SH3RF1: variants seen among roughly 807,000 people sequenced by gnomAD.
SH3RF1 encodes the protein SH3 domain containing ring finger 1.
In SH3RF1, 32 loss-of-function variants were observed where a neutral mutation model predicts 74.0. That is an observed-to-expected ratio of 0.43 (90% confidence interval 0.33 to 0.58). SH3RF1 has a LOEUF of 0.58. SH3RF1 is among the 20% of genes least tolerant of loss of function. The probability of loss-of-function intolerance (pLI) is 0.05; values close to 1 mark genes in which losing one functional copy is unlikely to be tolerated. For missense variants in SH3RF1, 954 were observed against 1,130.9 expected (o/e 0.84, Z 2.24); for synonymous variants, 396 against 439.6 (o/e 0.90, Z 1.24).
chr4:169,184,791 A>G (rs1734577002), intron 2 of SH3RF1, among the ~76,000 whole-genome samples: 1 of 152,220 alleles, frequency 6.6e-6, no homozygotes, highest in Admixed American at 6.5e-5. Context: ...TCTAGGGTGT[A>G]CAATCTAAAT....
At chr4:169,246,011 G>A (rs1357191529) in intron 2 of SH3RF1, among the ~76,000 whole-genome samples, 1 of 152,094 alleles carries the variant, frequency 6.6e-6, no homozygotes, top group Non-Finnish European at 1.5e-5. Flanking sequence ...GTCTGCCAGG[G>A]GTGTCATATC....
At chr4:169,128,487 C>T (rs143541830) in intron 6 of SH3RF1, among the ~76,000 whole-genome samples, 105 of 152,318 alleles carry the variant, frequency 6.9e-4, no homozygotes, top group African/African-American at 2.4e-3. Context: ...TTATTAGCTT[C>T]CATTTAAATA....
At chr4:169,121,022 G>A (rs1196308436) in intron 7 of SH3RF1, 33 bp from the exon 8 acceptor site, 3 of 1,571,178 alleles carry the variant, frequency 1.9e-6, no homozygotes, top group African/African-American at 2.7e-5. Context: ...ATTTCAGGTT[G>A]AGTAACAGAC....
chr4:169,133,498 C>T (rs1733650026), intron 5 of SH3RF1, among the ~76,000 whole-genome samples: 1 of 151,174 alleles, frequency 6.6e-6, no homozygotes, highest in Admixed American at 6.6e-5. Context: ...AAAAAAGAGG[C>T]TGTGCGTGGT....
At chr4:169,113,055 T>TC (rs1733266352) in intron 10 of SH3RF1, among the ~76,000 whole-genome samples, 1 of 151,892 alleles carries the variant, frequency 6.6e-6, no homozygotes, top group African/African-American at 2.4e-5. Flanking sequence ...ATCTGGTGAA[T>TC]CTGGGATGAG....
intron 2 of SH3RF1, among the ~76,000 whole-genome samples, chr4:169,237,320 G>C (rs1730836660): frequency 6.6e-6 from 1 of 152,182 alleles, no homozygotes; most frequent in African/African-American, 2.4e-5. Context: ...ACTTTCACCA[G>C]GTGTTTATTT....
intron 2 of SH3RF1, among the ~76,000 whole-genome samples, chr4:169,262,306 A>AT (rs1033411148): frequency 2.0e-5 from 3 of 151,622 alleles, no homozygotes; most frequent in African/African-American, 7.3e-5. Context: ...ATATGGTTGA[A>AT]TTTTTTTTTA....
chr4:169,168,936 T>C (rs1304185623), intron 2 of SH3RF1, among the ~76,000 whole-genome samples: 2 of 152,158 alleles, frequency 1.3e-5, no homozygotes, highest in Admixed American at 6.5e-5. Flanking sequence ...GAAATGAGAA[T>C]ATGAATTCGC....
intron 2 of SH3RF1, among the ~76,000 whole-genome samples, chr4:169,210,870 G>C (rs1730349723): frequency 1.3e-5 from 2 of 152,184 alleles, no homozygotes; most frequent in African/African-American, 4.8e-5. Context: ...ACCATGCACA[G>C]AGCCGGAGTC....
At chr4:169,156,731 T>C (rs1734063315) in intron 2 of SH3RF1, 52 bp from the exon 3 acceptor site, 2 of 1,484,474 alleles carry the variant, frequency 1.3e-6, no homozygotes, top group Non-Finnish European at 1.8e-6. Flanking sequence ...TCTTAAAATG[T>C]CTCTGAAAAT....
chr4:169,196,859 T>C (rs1479086122), intron 2 of SH3RF1, among the ~76,000 whole-genome samples: 1 of 152,140 alleles, frequency 6.6e-6, no homozygotes, highest in African/African-American at 2.4e-5. Flanking sequence ...ATGAAGTAGG[T>C]CTATTATTGC....
chr4:169,235,054 T>C (rs913175109), intron 2 of SH3RF1, among the ~76,000 whole-genome samples: 1 of 152,210 alleles, frequency 6.6e-6, no homozygotes, highest in Admixed American at 6.5e-5. Context: ...AATTTAAGTT[T>C]CCCACATCTA....
In SH3RF1 at chr4:169,233,094, C is replaced by T. The variant is rs191644565; in HGVS notation, c.393+35726G>A. Among the ~76,000 whole-genome samples, 928 of 151,910 alleles carry T rather than the reference C, an allele frequency of 6.1e-3. 31 individuals carry two copies. The highest frequency in any genetic ancestry group is 0.041 in the Admixed American group (619 of 15,246). On this transcript the variant is annotated intron_variant, in intron 2 of 11. Transcript: ENST00000284637. ...CAAAACCCCATCTCTACTAAAAATA[C>T]AAAAATCAGCCAGGCGTGGTGGCAG...
At chr4:169,240,691 C>T (rs916418239) in intron 2 of SH3RF1, among the ~76,000 whole-genome samples, 1 of 152,200 alleles carries the variant, frequency 6.6e-6, no homozygotes, top group Non-Finnish European at 1.5e-5. Context: ...TCACCTCACA[C>T]ACCTGTCATT....
chr4:169,209,160 G>A (rs553570445), intron 2 of SH3RF1, among the ~76,000 whole-genome samples: 6 of 151,880 alleles, frequency 4.0e-5, no homozygotes, highest in African/African-American at 9.7e-5. Flanking sequence ...ACGGTGGCAC[G>A]CACCTGTGAT....
chr4:169,214,249 T>TTC (rs1203709508), intron 2 of SH3RF1, among the ~76,000 whole-genome samples: 2 of 152,308 alleles, frequency 1.3e-5, no homozygotes, highest in East Asian at 3.9e-4. Context: ...ACTCTCTTGC[T>TTC]TCTGCTCTTG....
At chr4:169,234,077 C>T (rs1036856833) in intron 2 of SH3RF1, among the ~76,000 whole-genome samples, 3 of 152,218 alleles carry the variant, frequency 2.0e-5, no homozygotes, top group South Asian at 2.1e-4. Flanking sequence ...TTTAGACCAC[C>T]GGAACACCCC....
chr4:169,261,308 T>C (rs1731275586), intron 2 of SH3RF1, among the ~76,000 whole-genome samples: 1 of 152,200 alleles, frequency 6.6e-6, no homozygotes, highest in Admixed American at 6.5e-5. Flanking sequence ...GGAGCTTTAT[T>C]TGTCCTCTTT....
chr4:169,106,826 C>T, intron 11 of SH3RF1, 21 bp downstream of exon 11: 2 of 1,516,658 alleles, frequency 1.3e-6, no homozygotes, highest in Non-Finnish European at 1.8e-6. Flanking sequence ...TAGTTTTTTC[C>T]TGGAACGAAG....
Sources: gnomAD v4.1 joint callset for allele counts (sites outside exome capture counted in the v4.1 genomes callset) on GRCh38, gnomAD v4.1.1 for gene constraint, MANE v1.5 for transcripts, NCBI Gene and HGNC (gene_info 2026-07-23, HGNC 2026-07-21) for gene names.